CTNNA1: variants seen among roughly 807,000 people sequenced by gnomAD.
CTNNA1 encodes catenin alpha 1, also known as catenin alpha-1.
In CTNNA1, 37 loss-of-function variants were observed where a neutral mutation model predicts 98.4. That is an observed-to-expected ratio of 0.38 (90% CI 0.29 to 0.49). The LOEUF (loss-of-function observed/expected upper bound fraction) is 0.49. Ranked by LOEUF, CTNNA1 falls within the 20% of genes least tolerant of loss-of-function variation. CTNNA1 has a pLI of 0.95. For synonymous variants in CTNNA1, 404 were observed against 413.2 expected, an observed-to-expected ratio of 0.98 and a Z score of 0.27; for missense variants, 761 against 1,147.2, an observed-to-expected ratio of 0.66 and a Z score of 4.86.
rs374262763 is a variant in CTNNA1, at chr5:138,874,441, G to A, written c.1063-11771G>A. ...AGTCGCAGTAGAAGAGCAGCTTCTC[G>A]CAGCGGCATTTGGGTGGACACGCCA... On this transcript the variant is annotated intron_variant, in intron 7 of 17. Coordinates refer to ENST00000302763, the MANE Select transcript of CTNNA1 (RefSeq NM_001903.5). This position sits in a 1 kb window ranked among gnomAD's most constrained non-coding sequence, Gnocchi z 4.1. 91 of 1,613,620 alleles carry A rather than the reference G, an allele frequency of 5.6e-5. No individual in the cohort carries two copies. The highest frequency in any genetic ancestry group is 2.0e-4 in the Admixed American group (12 of 59,938).
intron 10 of CTNNA1, among the ~76,000 whole-genome samples, chr5:138,909,286 G>C (rs1047760798): frequency 6.6e-6 from 1 of 151,714 alleles, no homozygotes; most frequent in Non-Finnish European, 1.5e-5. Flanking sequence ...GGCTTTTCTT[G>C]GAAATTTACA....
intron 10 of CTNNA1, among the ~76,000 whole-genome samples, chr5:138,911,466 C>A (rs989459232): frequency 6.6e-6 from 1 of 152,026 alleles, no homozygotes; most frequent in African/African-American, 2.4e-5. Context: ...GGACCCCCCC[C>A]CAATATAATC....
At chr5:138,765,287 C>T (rs530702576) in intron 1 of CTNNA1, among the ~76,000 whole-genome samples, 6 of 151,712 alleles carry the variant, frequency 4.0e-5, no homozygotes, top group Admixed American at 6.6e-5. Context: ...GTGATCCGCC[C>T]GCCTCGGCCT....
rs772127640 is a variant in CTNNA1 at position 138,873,510 on chromosome 5, G to A, written c.1063-12702G>A. The A allele has an allele frequency of 4.3e-6, 7 of 1,613,920 alleles. No homozygotes were observed. The East Asian group carries it at 1.3e-4, about 31-fold the overall frequency. ...AGCTGAAATCCATGGACTGCATCTAGAATATCCTCTCCTTGGGTGTGGTCA... is the reference window on the plus strand; with the variant it reads ...AGCTGAAATCCATGGACTGCATCTAAAATATCCTCTCCTTGGGTGTGGTCA... On this transcript the variant is annotated intron_variant, in intron 7 of 17. Transcript: ENST00000302763. This position sits in a 1 kb window ranked among gnomAD's most constrained non-coding sequence, Gnocchi z 6.1.
intron 7 of CTNNA1, chr5:138,880,945 A>AC (rs1430101900): frequency 4.7e-6 from 2 of 428,070 alleles, no homozygotes; most frequent in Non-Finnish European, 9.4e-6. Flanking sequence ...GGAAAAAAAA[A>AC]AACACATTGA....
chr5:138,827,686 C>T lies in CTNNA1; in HGVS notation c.1030C>T (p.Leu344=). The change falls in exon 7 of 18, where the codon CTG becomes TTG. Residue 344 remains leucine, a synonymous_variant. Transcript: ENST00000302763. ...VAECNAVRQA[L]QDLLSEYMGN... ...AGAGTGTAATGCTGTCCGCCAGGCC[C>T]TGCAGGACCTGCTTTCGGAGTACAT... is the stretch of plus-strand genomic sequence containing the variant. 1 of 1,614,236 alleles carries T rather than the reference C, an allele frequency of 6.2e-7. No homozygotes were observed. The highest frequency in any genetic ancestry group is 1.3e-5 in the African/African-American group (1 of 75,066).
At chr5:138,899,906 C>T (rs1302061257) in intron 9 of CTNNA1, among the ~76,000 whole-genome samples, 1 of 152,200 alleles carries the variant, frequency 6.6e-6, no homozygotes, top group East Asian at 1.9e-4. Flanking sequence ...CAGAACTGTG[C>T]ACCCATCACC....
intron 5 of CTNNA1, among the ~76,000 whole-genome samples, chr5:138,819,791 C>T (rs1319858051): frequency 1.5e-5 from 2 of 135,942 alleles, no homozygotes; most frequent in African/African-American, 2.7e-5. Context: ...CCCCAAATCT[C>T]GTGTCTAATT....
intron 10 of CTNNA1, 51 bp from the exon 11 acceptor site, chr5:138,917,691 A>G: frequency 6.3e-7 from 1 of 1,590,622 alleles, no homozygotes; most frequent in Non-Finnish European, 8.6e-7. Context: ...ATGTAAGACA[A>G]AGCCATGACT....
At chr5:138,929,800 A>G (rs984115343) in intron 14 of CTNNA1, among the ~76,000 whole-genome samples, 3 of 152,226 alleles carry the variant, frequency 2.0e-5, no homozygotes, top group African/African-American at 4.8e-5. Flanking sequence ...TAAATCTTCA[A>G]TCAATAGCAT....
intron 1 of CTNNA1, among the ~76,000 whole-genome samples, chr5:138,763,033 T>C (rs2149583624): frequency 6.6e-6 from 1 of 152,326 alleles, no homozygotes; most frequent in Admixed American, 6.5e-5. Context: ...TGTTTTGAGG[T>C]TTCATTATTA....
At chr5:138,885,196 T>TC (rs1165946184) in intron 7 of CTNNA1, among the ~76,000 whole-genome samples, 1 of 152,084 alleles carries the variant, frequency 6.6e-6, no homozygotes, top group East Asian at 1.9e-4. Context: ...TAAACAGATC[T>TC]CCCCATTCCT....
chr5:138,769,414 A>T (rs974973211), intron 1 of CTNNA1, among the ~76,000 whole-genome samples: 1 of 151,636 alleles, frequency 6.6e-6, no homozygotes, highest in African/African-American at 2.4e-5. Context: ...TTTGAGATGG[A>T]GTCTCACTGT....
At chr5:138,931,037 G>A (rs2150338366) in intron 16 of CTNNA1, 102 bp downstream of exon 16, 1 of 717,758 alleles carries the variant, frequency 1.4e-6, no homozygotes, top group East Asian at 2.6e-5. Flanking sequence ...CAGCACTTTT[G>A]CCACTCATCT....
intron 3 of CTNNA1, among the ~76,000 whole-genome samples, chr5:138,793,295 C>CT (rs1316534596): frequency 6.6e-6 from 1 of 152,190 alleles, no homozygotes; most frequent in Admixed American, 6.5e-5. Flanking sequence ...GCTATATTTT[C>CT]TTTGACTTGG....
chr5:138,760,754 A>G (rs1752265289), intron 1 of CTNNA1, among the ~76,000 whole-genome samples: 1 of 152,226 alleles, frequency 6.6e-6, no homozygotes, highest in Non-Finnish European at 1.5e-5. Flanking sequence ...ATTCCTCTCC[A>G]GAAATGTACT....
At chr5:138,862,795 C>T (rs541912820) in intron 7 of CTNNA1, among the ~76,000 whole-genome samples, 4 of 152,284 alleles carry the variant, frequency 2.6e-5, no homozygotes, top group African/African-American at 9.6e-5. Flanking sequence ...ATTTTGAATA[C>T]TGCACATTAA....
chr5:138,904,466 C>T, intron 10 of CTNNA1, 25 bp downstream of exon 10: 1 of 1,587,574 alleles, frequency 6.3e-7, no homozygotes, highest in Non-Finnish European at 8.5e-7. Flanking sequence ...ACACTGGTGA[C>T]AGCATAACCA....
intron 3 of CTNNA1, among the ~76,000 whole-genome samples, chr5:138,802,868 GCTCAC>G (rs1265445529): frequency 6.6e-6 from 1 of 152,078 alleles, no homozygotes; most frequent in African/African-American, 2.4e-5. Context: ...TGCAGTCCCA[GCTCAC>G]TGTAGCCTTG....
Sources: gnomAD v4.1 joint callset for allele counts (sites outside exome capture counted in the v4.1 genomes callset) on GRCh38, gnomAD v4.1.1 for gene constraint, Gnocchi (gnomAD v3.1) non-coding constraint, MANE v1.5 for transcripts, NCBI Gene and HGNC (gene_info 2026-07-23, HGNC 2026-07-21) for gene names.